Variants in PAN2 observed in about 807,000 individuals in gnomAD.
The protein encoded by PAN2 is poly(A) specific ribonuclease subunit PAN2.
Under a neutral mutation model 133.3 loss-of-function variants are expected in PAN2, and 68 were observed. The observed-to-expected ratio is 0.51, with a 90% CI of 0.42 to 0.62. The LOEUF (loss-of-function observed/expected upper bound fraction) is 0.62. Ranked by LOEUF, PAN2 falls within the 20% of genes least tolerant of loss-of-function variation. PAN2 has a pLI of 0.00. For synonymous variants in PAN2, 462 were observed against 544.6 expected (o/e 0.85, Z 2.11); for missense variants, 1,042 against 1,500.5 (o/e 0.69, Z 5.05).
rs761907531 is a variant in PAN2, at chr12:56,324,435, A to T, written c.1787T>A (p.Ile596Asn). The change falls in exon 12 of 26, where the codon ATC becomes AAC. Residue 596 changes from isoleucine (I) to asparagine (N), a missense_variant. Physicochemically the swap from Ile to Asn is moderately radical, Grantham distance 149 (BLOSUM62 -3). Transcript: ENST00000440411. Reference sequence around the variant, plus strand: ...TGAGGCCTCATCTGAGTCAGCCAGGATTAGACCGAGGGCTGAGGCCTCAGG... The same window carrying T: ...TGAGGCCTCATCTGAGTCAGCCAGGTTTAGACCGAGGGCTGAGGCCTCAGG... The part of the protein sequence containing the change: ...TIPEASALGL[I>N]LADSDEASGK... 3.1e-6 allele frequency: 5 copies of T among 1,614,192 alleles called. No homozygotes were observed. The Admixed American group carries it at 8.3e-5, about 27-fold the overall frequency.
chr12:56,327,269 C>T (rs1002142725), intron 6 of PAN2, 95 bp downstream of exon 6: 5 of 1,360,282 alleles, frequency 3.7e-6, no homozygotes, highest in Non-Finnish European at 5.1e-6. Context: ...TTACTTCTTT[C>T]CCCAACAAAG....
chr12:56,326,209 G>C, intron 8 of PAN2, 104 bp downstream of exon 8: 1 of 1,035,076 alleles, frequency 9.7e-7, no homozygotes, highest in Non-Finnish European at 1.4e-6. Context: ...CAATTTGGTT[G>C]GTTACCAACA....
intron 8 of PAN2, 30 bp downstream of exon 8, chr12:56,326,283 G>A: frequency 1.3e-6 from 2 of 1,548,120 alleles, no homozygotes; most frequent in Non-Finnish European, 1.8e-6. Context: ...GTGGGCCGGG[G>A]TCGGGGCTGA....
chr12:56,319,005 C>T lies in PAN2; in HGVS notation c.3364+83G>A, dbSNP rs1874208735. ...ATGGCCCACAGCTCCATCCATGTTG[C>T]CGCAAAGAACATGATTTCTTTTTTT... On this transcript the variant is annotated intron_variant, in intron 24 of 25. Transcript: ENST00000440411. The surrounding 1 kb of genome is among the most constrained non-coding windows in gnomAD (Gnocchi z 5.4). 2.2e-6 allele frequency: 3 copies of T among 1,334,098 alleles called. No individual in the cohort carries two copies. The highest frequency in any genetic ancestry group is 1.9e-4 in the Middle Eastern group (1 of 5,218). The allele number at this position is 1,334,098 out of a possible 1,614,324, so 82.6% of individuals were successfully genotyped here.
rs961212960 is a variant in PAN2 at position 56,319,050 on chromosome 12, A to G, written c.3364+38T>C. 9 of 1,590,814 alleles carry G rather than the reference A, an allele frequency of 5.7e-6. No individual in the cohort carries two copies. In the Admixed American group the frequency reaches 8.4e-5, roughly 15 times the overall value. ...TTTTTTTTAAATGGCTGCTTCTGCTATTAATGTAGCAGGGGCCTACAAGGC... is the reference window on the plus strand; with the variant it reads ...TTTTTTTTAAATGGCTGCTTCTGCTGTTAATGTAGCAGGGGCCTACAAGGC... On this transcript the variant is annotated intron_variant, in intron 24 of 25. Transcript: ENST00000440411. The surrounding 1 kb of genome is among the most constrained non-coding windows in gnomAD (Gnocchi z 5.4).
Position 56,327,429 on chromosome 12 carries a change from A to T in PAN2, c.854T>A (p.Val285Glu), listed in dbSNP as rs1875245407. 1 of 1,614,124 alleles carries T rather than the reference A, an allele frequency of 6.2e-7. No individual in the cohort carries two copies. The highest frequency in any genetic ancestry group is 1.7e-5 in the Admixed American group (1 of 60,004). ...AATGAAGCGCAAGAAGGCAGGATCC[A>T]CATGTACTTGAAGTGGTGTGATGGC... Reference protein sequence around the residue: ...MRAITPLQVHVDPAFLRFIPT... With the variant: ...MRAITPLQVHEDPAFLRFIPT... Residue 285 changes from valine to glutamate, a missense_variant, in exon 6 of 26, where the codon GTG becomes GAG. By Grantham distance (121) the Val-to-Glu change is moderately radical (BLOSUM62 -2). This residue lies in a region of PAN2 where 908 missense variants were observed against 1,223.5 expected (regional missense o/e 0.74). Transcript: ENST00000440411.
rs776675608 is a variant in PAN2 at position 56,327,422 on chromosome 12, AG to A, written c.860del (p.Pro287LeufsTer40). ...ATGTAGGAATGAAGCGCAAGAAGGC[AG>A]GATCCACATGTACTTGAAGTGGTGT... is the stretch of plus-strand genomic sequence containing the variant. ...AITPLQVHVD[P>X]AFLRFIPTYT... On this transcript the variant is annotated frameshift_variant, in exon 6 of 26. Transcript: ENST00000440411. LOFTEE classifies it high-confidence loss of function. 1 of 1,614,068 alleles carries A rather than the reference AG, an allele frequency of 6.2e-7. No individual in the cohort carries two copies. Among genetic ancestry groups the A allele is most frequent in the South Asian group, 1.1e-5 (1 of 91,084 alleles).
At position 56,332,036 on chromosome 12, in the gene PAN2, A is replaced by C. The variant is rs181993719; in HGVS notation, c.282+777T>G. ...CCGGACAGCACAGTATTTCTTACAA[A>C]GTCTTTGGGCACCATAGCATATTGG... is the stretch of plus-strand genomic sequence containing the variant. On this transcript the variant is annotated intron_variant, in intron 2 of 25. Transcript: ENST00000440411. 1.1e-3 allele frequency among the ~76,000 whole-genome samples: 165 copies of C among 152,288 alleles called. 3 individuals carry two copies. The highest frequency in any genetic ancestry group is 9.0e-3 in the Admixed American group (138 of 15,288).
Position 56,327,351 on chromosome 12 carries a change from A to G in PAN2, c.919+13T>C. 1 of 1,613,662 alleles carries G rather than the reference A, an allele frequency of 6.2e-7. No individual in the cohort carries two copies. The highest frequency in any genetic ancestry group is 1.1e-5 in the South Asian group (1 of 91,072). On this transcript the variant is annotated intron_variant, in intron 6 of 25. Coordinates refer to ENST00000440411, the MANE Select transcript of PAN2 (RefSeq NM_014871.6). The stretch of plus-strand genomic sequence containing the variant: ...ATCGATCCCTCCTACCCAATCCCAT[A>G]TGCCCTTCATACCTGACTGAGAGAT...
intron 20 of PAN2, among the ~76,000 whole-genome samples, chr12:56,321,850 CAA>C (rs878877886): frequency 5.7e-5 from 6 of 105,574 alleles, no homozygotes; most frequent in Non-Finnish European, 6.0e-5. Context: ...GACTGCATCT[CAA>C]AAAAAAAAAA....
Position 56,323,609 on chromosome 12 carries a change from G to C in PAN2, c.2173-11C>G. 1 of 1,611,242 alleles carries C rather than the reference G, an allele frequency of 6.2e-7. No individual in the cohort carries two copies. The highest frequency in any genetic ancestry group is 1.3e-5 in the African/African-American group (1 of 75,018). ...GTTGCGGGTCTGAATCTGAGAGGAAGAAACAAACAAGGAATGGCAGGGAAT... is the reference window on the plus strand; with the variant it reads ...GTTGCGGGTCTGAATCTGAGAGGAACAAACAAACAAGGAATGGCAGGGAAT... On this transcript the variant is annotated splice_polypyrimidine_tract_variant and intron_variant, in intron 14 of 25. Coordinates refer to ENST00000440411, the MANE Select transcript of PAN2 (RefSeq NM_014871.6).
intron 8 of PAN2, 128 bp from the exon 9 acceptor site, chr12:56,325,582 G>T: frequency 1.0e-6 from 1 of 984,696 alleles, no homozygotes; most frequent in Non-Finnish European, 1.5e-6. Flanking sequence ...CTCAGCATCC[G>T]CTGCTTCCTT....
chr12:56,327,789 G>T (rs971800542), intron 5 of PAN2, 158 bp from the exon 6 acceptor site: 1 of 1,227,492 alleles, frequency 8.1e-7, no homozygotes, highest in African/African-American at 1.5e-5. Flanking sequence ...GAGCCAGAAG[G>T]GGCTTCAGGG....
intron 2 of PAN2, among the ~76,000 whole-genome samples, chr12:56,331,100 A>G (rs1438112366): frequency 2.0e-5 from 3 of 152,168 alleles, no homozygotes; most frequent in Non-Finnish European, 4.4e-5. Flanking sequence ...ATGCCCAGCC[A>G]GCATTTTTCT....
chr12:56,318,185 A>G, intron 25 of PAN2, 52 bp downstream of exon 25: 1 of 1,499,530 alleles, frequency 6.7e-7, no homozygotes, highest in Non-Finnish European at 9.3e-7. Flanking sequence ...ACAAACAAAC[A>G]AAATACAAAA....
At position 56,319,749 on chromosome 12, in the gene PAN2, G is replaced by T; in HGVS notation, c.2962C>A (p.Arg988Ser). Reference protein sequence around the residue: ...VTLNEEEAELRSDGTKSTIKP... With the variant: ...VTLNEEEAELSSDGTKSTIKP... ...ATGGTAGACTTGGTACCATCACTGC[G>T]TAACTCTGCTTCCTCCTACATGAGA... Residue 988 changes from arginine to serine, a missense_variant, in exon 22 of 26, where the codon CGC (arginine) becomes AGC (serine). By Grantham distance (110) the Arg-to-Ser change is moderately radical. This residue lies in a region of PAN2 where 49 missense variants were observed against 160.5 expected (regional missense o/e 0.31). Transcript: ENST00000440411. The surrounding 1 kb of genome is among the most constrained non-coding windows in gnomAD (Gnocchi z 5.4). 2.5e-6 allele frequency: 4 copies of T among 1,613,252 alleles called. No homozygotes were observed. Among genetic ancestry groups the T allele is most frequent in the Non-Finnish European group, 3.4e-6 (4 of 1,179,580 alleles).
intron 5 of PAN2, 176 bp from the exon 6 acceptor site, chr12:56,327,807 A>G: frequency 7.7e-7 from 1 of 1,300,002 alleles, no homozygotes; most frequent in Non-Finnish European, 1.0e-6. Flanking sequence ...GGGAGACTTC[A>G]TTATCATAGA....
At chr12:56,324,807 C>G in intron 10 of PAN2, 98 bp from the exon 11 acceptor site, 1 of 1,481,644 alleles carries the variant, frequency 6.7e-7, no homozygotes. Context: ...GTCCCAGAAG[C>G]AGGAGTCCAC....
intron 2 of PAN2, among the ~76,000 whole-genome samples, chr12:56,330,353 CT>C (rs10525866): frequency 1.8e-3 from 164 of 92,620 alleles, no homozygotes; most frequent in East Asian, 0.012. Context: ...CTGTATTTTT[CT>C]TTTTTTTTTT....
Sources: allele counts gnomAD v4.1 joint callset (sites outside exome capture counted in the v4.1 genomes callset), GRCh38; gene constraint gnomAD v4.1.1; regional missense constraint gnomAD v4.1.1; non-coding constraint Gnocchi (gnomAD v3.1); transcripts MANE v1.5; gene names NCBI Gene and HGNC (gene_info 2026-07-23, HGNC 2026-07-21).